Variants in CDC42 observed in about 807,000 individuals in gnomAD.
The protein encoded by CDC42 is cell division control protein 42 homolog.
Under a neutral mutation model 20.8 loss-of-function variants are expected in CDC42, and 1 was observed. The observed-to-expected ratio is 0.05, with a 90% CI of 0.02 to 0.23. The LOEUF (loss-of-function observed/expected upper bound fraction) is 0.23. Among genes scored for constraint, CDC42 ranks in the 10% least tolerant of loss-of-function variants. CDC42 has a pLI of 1.00. For synonymous variants in CDC42, 72 were observed against 84.8 expected, an observed-to-expected ratio of 0.85 and a Z score of 0.83; for missense variants, 49 against 227.9, an observed-to-expected ratio of 0.21 and a Z score of 5.05.
chr1:22,088,125 A>T lies in CDC42; in HGVS notation c.486+1259A>T, dbSNP rs143388370. ...GCATAGCAACTGTTTTGAGAGTTTTAAAAAATGCCTGGTGCTTCTCTGTGT... is the reference window on the plus strand; with the variant it reads ...GCATAGCAACTGTTTTGAGAGTTTTTAAAAATGCCTGGTGCTTCTCTGTGT... On this transcript the variant is annotated intron_variant, in intron 5 of 5. Transcript: ENST00000656825. Among the ~76,000 whole-genome samples the T allele has an allele frequency of 2.0e-4, 31 of 152,348 alleles. No individual in the cohort carries two copies. The East Asian group carries it at 5.6e-3, about 27-fold the overall frequency.
chr1:22,089,834 C>A, intron 5 of CDC42: 2 of 1,085,340 alleles, frequency 1.8e-6, no homozygotes, highest in Non-Finnish European at 2.6e-6. Context: ...TCTTAAGGCA[C>A]ATTGCTTCTG....
intron 1 of CDC42, chr1:22,068,444 C>T (rs1275783325): frequency 1.3e-5 from 2 of 153,238 alleles, no homozygotes; most frequent in African/African-American, 2.4e-5. Context: ...GACTTTTTTC[C>T]TGTTGTCCCC....
At chr1:22,055,130 T>A (rs1317310170) in intron 1 of CDC42, among the ~76,000 whole-genome samples, 1 of 150,844 alleles carries the variant, frequency 6.6e-6, no homozygotes, top group African/African-American at 2.4e-5. Flanking sequence ...ATTTTTTGTA[T>A]TTTTAGTAGA....
intron 1 of CDC42, among the ~76,000 whole-genome samples, chr1:22,055,867 GTT>G (rs35437576): frequency 8.7e-5 from 11 of 126,650 alleles, no homozygotes; most frequent in Admixed American, 1.7e-4. Flanking sequence ...TTGTTTTAGA[GTT>G]TTTTTTTTTT....
chr1:22,059,045 T>C lies in CDC42; in HGVS notation c.-51+6303T>C, dbSNP rs534912569. 4.0e-5 allele frequency among the ~76,000 whole-genome samples: 6 copies of C among 150,800 alleles called. No individual in the cohort carries two copies. The South Asian group carries it at 8.4e-4, about 21-fold the overall frequency. On this transcript the variant is annotated intron_variant, in intron 1 of 5. Coordinates refer to ENST00000656825, the MANE Select transcript of CDC42 (RefSeq NM_001791.4). Reference sequence around the variant, plus strand: ...CTTTTTATGTTGCCCAGGTTGTTCTTGAACTCCTGGCCTCAAGTGACCTCC... The same window carrying C: ...CTTTTTATGTTGCCCAGGTTGTTCTCGAACTCCTGGCCTCAAGTGACCTCC...
chr1:22,074,166 C>G (rs1453261171), intron 1 of CDC42: 5 of 152,084 alleles, frequency 3.3e-5, no homozygotes, highest in African/African-American at 7.3e-5. Context: ...CGCCTCTGCC[C>G]CCCGAGTTCA....
intron 3 of CDC42, among the ~76,000 whole-genome samples, chr1:22,085,615 T>A (rs532253899): frequency 6.6e-6 from 1 of 152,242 alleles, no homozygotes. Context: ...AATTTTTTTG[T>A]TATCCAAGTC....
chr1:22,095,537 A>G lies in CDC42; in HGVS notation c.*4020A>G, dbSNP rs552834091. ...GCCCGCCTTGGCCTCCCAAAGTGCT[A>G]GGATTACAGGCGTGAGCCACCGCGC... is the stretch of plus-strand genomic sequence containing the variant. On this transcript the variant is annotated 3_prime_UTR_variant, in exon 6 of 6. Transcript: ENST00000656825. Among the ~76,000 whole-genome samples, 20 of 152,100 alleles carry G rather than the reference A, an allele frequency of 1.3e-4. No individual in the cohort carries two copies. In the East Asian group the frequency reaches 2.5e-3, roughly 19 times the overall value.
At position 22,094,293 on chromosome 1, in the gene CDC42, G is replaced by GGTTTTTTTTT. The variant is rs1557910832; in HGVS notation, c.*2776_*2777insGTTTTTTTTT. 3.6e-5 allele frequency among the ~76,000 whole-genome samples: 1 copy of GGTTTTTTTTT among 27,696 alleles called. No homozygotes were observed. The highest frequency in any genetic ancestry group is 5.9e-5 in the Non-Finnish European group (1 of 16,882). The allele number at this position is 27,696 out of a possible 152,430, so 18.2% of individuals were successfully genotyped here. ...TGTTTTACTGAACATCCTAGAAATA[G>GGTTTTTTTTT]ATTTTTTTTTTTTTTTTTTTTTGAG... On this transcript the variant is annotated 3_prime_UTR_variant, in exon 6 of 6. Coordinates refer to ENST00000656825, the MANE Select transcript of CDC42 (RefSeq NM_001791.4).
rs1263922660 is a variant in CDC42, at chr1:22,091,471, T to G, written c.530T>G (p.Leu177Arg). ...NVFDEAILAA[L>R]EPPEPKKSRR... ...TTTGACGAAGCAATATTGGCTGCCCTGGAGCCTCCAGAACCGAAGAAGAGC... is the reference window on the plus strand; with the variant it reads ...TTTGACGAAGCAATATTGGCTGCCCGGGAGCCTCCAGAACCGAAGAAGAGC... Residue 177 changes from leucine (L) to arginine (R), a missense_variant, in exon 6 of 6, where the codon CTG becomes CGG. Physicochemically the swap from Leu to Arg is moderately radical, Grantham distance 102. This residue lies in a region of CDC42 where 38 missense variants were observed against 106.6 expected (regional missense o/e 0.36). Transcript: ENST00000656825. 6.2e-7 allele frequency: 1 copy of G among 1,613,728 alleles called. No individual in the cohort carries two copies. Among genetic ancestry groups the G allele is most frequent in the Non-Finnish European group, 8.5e-7 (1 of 1,179,674 alleles).
chr1:22,090,747 A>G (rs908809637), intron 5 of CDC42: 1 of 984,902 alleles, frequency 1.0e-6, no homozygotes, highest in Non-Finnish European at 1.2e-6. Context: ...TTGTGAGGGA[A>G]ATATACAATT....
At chr1:22,063,110 G>T (rs989605554) in intron 1 of CDC42, among the ~76,000 whole-genome samples, 43 of 151,556 alleles carry the variant, frequency 2.8e-4, no homozygotes, top group African/African-American at 9.9e-4. Context: ...GTTTTTTTTT[G>T]TTTGTTTCTT....
chr1:22,055,450 T>C (rs1004763022), intron 1 of CDC42, among the ~76,000 whole-genome samples: 7 of 151,680 alleles, frequency 4.6e-5, no homozygotes, highest in African/African-American at 9.7e-5. Context: ...GCAGATGTTA[T>C]AGCCTAGAGT....
intron 5 of CDC42, among the ~76,000 whole-genome samples, chr1:22,087,876 ATTTAG>A (rs1645676768): frequency 6.6e-6 from 1 of 152,166 alleles, no homozygotes; most frequent in African/African-American, 2.4e-5. Context: ...TGCACTAGGT[ATTTAG>A]TTTATAGGGC....
intron 1 of CDC42, among the ~76,000 whole-genome samples, chr1:22,055,347 A>T (rs913723304): frequency 2.0e-5 from 3 of 152,024 alleles, no homozygotes; most frequent in Non-Finnish European, 4.4e-5. Context: ...TCAAGACCAG[A>T]AAGGTATCAC....
intron 1 of CDC42, among the ~76,000 whole-genome samples, chr1:22,056,111 C>G (rs2152825660): frequency 6.6e-6 from 1 of 152,236 alleles, no homozygotes. Flanking sequence ...GCATGGTCAC[C>G]CCATTGCTAA....
intron 1 of CDC42, among the ~76,000 whole-genome samples, chr1:22,059,839 C>A (rs1428641663): frequency 6.6e-6 from 1 of 152,080 alleles, no homozygotes; most frequent in Non-Finnish European, 1.5e-5. Context: ...CCACGGCTCC[C>A]AGCCTGTTAT....
rs747002932 is a variant in CDC42, at chr1:22,094,294, ATT to A, written c.*2797_*2798del. On this transcript the variant is annotated 3_prime_UTR_variant, in exon 6 of 6. Transcript: ENST00000656825. ...GTTTTACTGAACATCCTAGAAATAGATTTTTTTTTTTTTTTTTTTTTGAGACG... is the reference window on the plus strand; with the variant it reads ...GTTTTACTGAACATCCTAGAAATAGATTTTTTTTTTTTTTTTTTTGAGACG... Among the ~76,000 whole-genome samples the A allele has an allele frequency of 1.5e-3, 59 of 38,302 alleles. 4 individuals are homozygous for A. The highest frequency in any genetic ancestry group is 8.5e-3 in the East Asian group (6 of 710). The allele number at this position is 38,302 out of a possible 152,430, so 25.1% of individuals were successfully genotyped here.
intron 1 of CDC42, chr1:22,068,822 T>G (rs997908176): frequency 6.6e-6 from 1 of 152,284 alleles, no homozygotes; most frequent in African/African-American, 2.4e-5. Context: ...TGTGCTCAGG[T>G]GCCATGCTGG....
Sources: gnomAD v4.1 joint callset for allele counts (sites outside exome capture counted in the v4.1 genomes callset) on GRCh38, gnomAD v4.1.1 for gene constraint, gnomAD v4.1.1 regional missense constraint, MANE v1.5 for transcripts, NCBI Gene and HGNC (gene_info 2026-07-23, HGNC 2026-07-21) for gene names.